The following CDKL3 variants were observed in gnomAD, a reference collection of about 807,000 sequenced individuals.
The protein encoded by CDKL3 is cyclin dependent kinase like 3.
A neutral mutation model predicts 69.3 loss-of-function variants in CDKL3; 65 were observed. The observed-to-expected ratio is 0.94, with a 90% CI of 0.77 to 1.15. The LOEUF is 1.15. CDKL3 is among the 50% of genes most tolerant of loss of function. The probability of loss-of-function intolerance (pLI) is 0.00; values close to 1 mark genes in which losing one functional copy is unlikely to be tolerated. For missense variants in CDKL3, 652 were observed against 689.2 expected (o/e 0.95, Z 0.61); for synonymous variants, 202 against 221.6 (o/e 0.91, Z 0.79).
intron 2 of CDKL3, among the ~76,000 whole-genome samples, chr5:134,363,042 T>TG (rs1290435893): frequency 6.6e-6 from 1 of 152,186 alleles, no homozygotes; most frequent in Non-Finnish European, 1.5e-5. Flanking sequence ...ATCTCTGTAT[T>TG]GTCACATACT....
chr5:134,298,137 T>A (rs987991483), downstream of CDKL3: 2 of 406,954 alleles, frequency 4.9e-6, no homozygotes, highest in African/African-American at 4.3e-5. Context: ...TTTCACCGTG[T>A]TGGTCAGGCT....
intron 4 of CDKL3, among the ~76,000 whole-genome samples, chr5:134,325,827 G>A (rs1381908280): frequency 2.0e-5 from 3 of 151,314 alleles, no homozygotes; most frequent in Non-Finnish European, 2.9e-5. Flanking sequence ...GCAGTGGCGC[G>A]ATCTCGGCTG....
At chr5:134,305,426 T>C (rs572807886) in intron 10 of CDKL3, among the ~76,000 whole-genome samples, 1 of 152,236 alleles carries the variant, frequency 6.6e-6, no homozygotes, top group South Asian at 2.1e-4. Context: ...AACCACAAAC[T>C]TAACTTTTCA....
At position 134,308,428 on chromosome 5, in the gene CDKL3, G is replaced by C. The variant is rs370652552; in HGVS notation, c.1074C>G (p.Val358=). ...TTCCTCCTTTGACTTTAATAACTCT[G>C]ACTTTGATCTCCTTGGGCTTTTTCT... ...EKEKKPKEIK[V]RVIKVKGGRG... Residue 358 remains valine, a synonymous_variant, in exon 9 of 13, where the codon GTC becomes GTG. Coordinates refer to ENST00000265334, the MANE Select transcript of CDKL3 (RefSeq NM_001113575.2). 1.4e-5 allele frequency: 22 copies of C among 1,612,364 alleles called. No individual in the cohort carries two copies. The highest frequency in any genetic ancestry group is 1.8e-5 in the Non-Finnish European group (21 of 1,179,612).
In CDKL3 at chr5:134,360,020, AAATAC is replaced by A; in HGVS notation, c.232_236del (p.Val78Ter). On this transcript the variant is annotated frameshift_variant, in exon 3 of 13. Coordinates refer to ENST00000265334, the MANE Select transcript of CDKL3 (RefSeq NM_001113575.2). LOFTEE classifies it high-confidence loss of function. ...CTAATACTGTGTGGTCAATAAATTC[AAATAC>A]CAAATGAATTTTCTTTTTCTGTCTA... The A allele has an allele frequency of 6.4e-7, 1 of 1,557,884 alleles. No homozygotes were observed. The highest frequency in any genetic ancestry group is 1.2e-5 in the South Asian group (1 of 84,042).
chr5:134,315,842 A>G (rs1402760061), intron 6 of CDKL3, among the ~76,000 whole-genome samples: 1 of 152,218 alleles, frequency 6.6e-6, no homozygotes, highest in East Asian at 1.9e-4. Context: ...ATAATATCCA[A>G]TGCTAGAGTG....
At chr5:134,288,018 C>T (rs1764949504) in intron 8 of CDKL3, among the ~76,000 whole-genome samples, 2 of 151,974 alleles carry the variant, frequency 1.3e-5, no homozygotes, top group Admixed American at 1.3e-4. Context: ...CCTCAGCCTC[C>T]CGAGTAGCTG....
At chr5:134,303,277 A>G (rs1429123177) in intron 11 of CDKL3, among the ~76,000 whole-genome samples, 1 of 151,986 alleles carries the variant, frequency 6.6e-6, no homozygotes, top group Non-Finnish European at 1.5e-5. Context: ...GGGTTTTGCC[A>G]TATTGGCCAG....
chr5:134,339,182 T>C (rs1342303362), intron 4 of CDKL3, among the ~76,000 whole-genome samples: 1 of 151,386 alleles, frequency 6.6e-6, no homozygotes, highest in Non-Finnish European at 1.5e-5. Context: ...AATAAATAAA[T>C]AAAAATAATA....
At chr5:134,315,325 G>A (rs1467535279) in intron 6 of CDKL3, among the ~76,000 whole-genome samples, 10 of 152,176 alleles carry the variant, frequency 6.6e-5, no homozygotes, top group Admixed American at 6.6e-4. Flanking sequence ...TGACAAATAG[G>A]TTAAGGATTA....
intron 9 of CDKL3, 51 bp from the exon 10 acceptor site, chr5:134,306,753 T>C (rs1045809508): frequency 2.8e-6 from 2 of 719,428 alleles, no homozygotes; most frequent in South Asian, 2.1e-5. Context: ...AGAAATGCTT[T>C]TTTTTTTTTT....
chr5:134,335,141 CTTT>C (rs374206722), intron 4 of CDKL3, among the ~76,000 whole-genome samples: 3 of 136,046 alleles, frequency 2.2e-5, no homozygotes, highest in Non-Finnish European at 3.2e-5. Flanking sequence ...TCAACCTCTG[CTTT>C]TTTTTTTTTT....
intron 6 of CDKL3, among the ~76,000 whole-genome samples, chr5:134,312,841 T>C (rs191080408): frequency 2.0e-5 from 3 of 152,352 alleles, no homozygotes; most frequent in East Asian, 3.9e-4. Flanking sequence ...TTCAAGTCCC[T>C]AAATCTTTCA....
rs1435234208 is a variant in CDKL3 at position 134,366,516 on chromosome 5, AT to A, written c.7del (p.Met3CysfsTer17). 1.9e-6 allele frequency: 3 copies of A among 1,597,552 alleles called. No homozygotes were observed. Among genetic ancestry groups the A allele is most frequent in the Non-Finnish European group, 2.6e-6 (3 of 1,174,182 alleles). ...TCCCACTTTTCCAAGGGTTTCATAC[AT>A]CTCCATTTTCAAGCTGGGCTTTTAC... Reference protein sequence around the residue: MEMYETLGKVGEG... With the variant: MEXYETLGKVGEG... On this transcript the variant is annotated frameshift_variant, in exon 2 of 13. Coordinates refer to ENST00000265334, the MANE Select transcript of CDKL3 (RefSeq NM_001113575.2). LOFTEE classifies it high-confidence loss of function.
intron 4 of CDKL3, among the ~76,000 whole-genome samples, chr5:134,333,614 T>C (rs543496693): frequency 2.6e-5 from 4 of 152,336 alleles, no homozygotes; most frequent in African/African-American, 9.6e-5. Context: ...ATGGATTACG[T>C]TTACTGATTT....
At chr5:134,369,732 G>C (rs577750837), upstream of CDKL3, among the ~76,000 whole-genome samples, 1 of 152,142 alleles carries the variant, frequency 6.6e-6, no homozygotes, top group Non-Finnish European at 1.5e-5. Flanking sequence ...CACCATGCCT[G>C]GCTAATTTTA....
intron 8 of CDKL3, among the ~76,000 whole-genome samples, chr5:134,290,917 G>A (rs1765101499): frequency 6.6e-6 from 1 of 152,168 alleles, no homozygotes. Context: ...AGGTTGAACA[G>A]AGGTGAAGGC....
At chr5:134,293,900 G>A (rs899275467), downstream of CDKL3, among the ~76,000 whole-genome samples, 1 of 152,080 alleles carries the variant, frequency 6.6e-6, no homozygotes, top group Non-Finnish European at 1.5e-5. Context: ...TTGAGGCCAG[G>A]AGTTTAAGAC....
chr5:134,367,429 G>A (rs180784095), upstream of CDKL3: 47 of 968,396 alleles, frequency 4.9e-5, no homozygotes, highest in African/African-American at 7.3e-4. Context: ...CTGGACTGCA[G>A]TGTCGCTGAT....
Sources: gnomAD v4.1 joint callset for allele counts (sites outside exome capture counted in the v4.1 genomes callset) on GRCh38, gnomAD v4.1.1 for gene constraint, MANE v1.5 for transcripts, NCBI Gene and HGNC (gene_info 2026-07-23, HGNC 2026-07-21) for gene names.